S100A2: variants seen among roughly 807,000 people sequenced by gnomAD.
The protein encoded by S100A2 is S100 calcium binding protein A2.
S100A2 carries 5 observed loss-of-function variants against 4.3 expected under a neutral mutation model. The ratio of observed to expected loss-of-function variants is 1.16; its 90% CI spans 0.61 to 2.44. The LOEUF (loss-of-function observed/expected upper bound fraction) is 2.44, where lower values mean the gene tolerates loss of function less well. Ranked by LOEUF, S100A2 falls within the 30% of genes most tolerant of loss-of-function variation. The pLI, the probability that S100A2 is intolerant of heterozygous loss-of-function variation, is 0.01. For synonymous variants in S100A2, 44 were observed against 46.0 expected (o/e 0.96, Z 0.17); for missense variants, 103 against 114.7 (o/e 0.90, Z 0.47).
At chr1:153,564,150 CCT>C in intron 1 of S100A2, 1 of 389,656 alleles carries the variant, frequency 2.6e-6, no homozygotes, top group Non-Finnish European at 4.6e-6. Flanking sequence ...GGGACACCCC[CCT>C]GAGGGCAGGG....
chr1:153,562,710 G>A (rs1350405056), intron 2 of S100A2, among the ~76,000 whole-genome samples: 3 of 152,112 alleles, frequency 2.0e-5, no homozygotes, highest in African/African-American at 4.8e-5. Context: ...ATGGAAAGAG[G>A]TCAAGCACAG....
Position 153,563,747 on chromosome 1 carries a change from G to A in S100A2, c.131C>T (p.Pro44Leu). The A allele has an allele frequency of 1.2e-6, 2 of 1,613,884 alleles. No individual in the cohort carries two copies. Among genetic ancestry groups the A allele is most frequent in the Non-Finnish European group, 1.7e-6 (2 of 1,179,864 alleles). ...TGTGCCACTCACCCCCACAAAGCTG[G>A]GCAGCTCCTTGTGCAGAAGTTCCTT... Reference protein sequence around the residue: ...EMKELLHKELPSFVGEKVDEE... With the variant: ...EMKELLHKELLSFVGEKVDEE... The change falls in exon 2 of 3, where the codon CCC (proline) becomes CTC (leucine). Residue 44 changes from proline to leucine, a missense_variant. Coordinates refer to ENST00000368708, the MANE Select transcript of S100A2 (RefSeq NM_005978.4).
At position 153,561,279 on chromosome 1, in the gene S100A2, C is replaced by T; in HGVS notation, c.*160G>A. Reference sequence around the variant, plus strand: ...AGAAGGGAGCAGGATCCAGGAGGCCCTCATCTCCCAGCACTCCAGCTGAGC... The same window carrying T: ...AGAAGGGAGCAGGATCCAGGAGGCCTTCATCTCCCAGCACTCCAGCTGAGC... On this transcript the variant is annotated 3_prime_UTR_variant, in exon 3 of 3. Transcript: ENST00000368708. The T allele has an allele frequency of 1.2e-6, 1 of 809,070 alleles. No homozygotes were observed. The highest frequency in any genetic ancestry group is 2.7e-5 in the Admixed American group (1 of 37,720). The allele number at this position is 809,070 out of a possible 1,614,324, so 50.1% of individuals were successfully genotyped here.
chr1:153,563,684 G>C (rs750864165), intron 2 of S100A2, 50 bp downstream of exon 2: 1 of 1,593,792 alleles, frequency 6.3e-7, no homozygotes, highest in East Asian at 2.2e-5. Flanking sequence ...GATTTAACCT[G>C]CACCCCCACA....
At position 153,564,854 on chromosome 1, in the gene S100A2, C is replaced by CAA. The variant is rs56666936; in HGVS notation, c.-11+650_-11+651dup. 4.1e-3 allele frequency among the ~76,000 whole-genome samples: 222 copies of CAA among 54,798 alleles called. 26 individuals carry two copies. Among genetic ancestry groups the CAA allele is most frequent in the Admixed American group, 0.029 (97 of 3,394 alleles). 35.9% of individuals were successfully genotyped at this position (54,798 alleles called of 152,430 possible). On this transcript the variant is annotated intron_variant, in intron 1 of 2. Coordinates refer to ENST00000368708, the MANE Select transcript of S100A2 (RefSeq NM_005978.4). Reference sequence around the variant, plus strand: ...AGTCCTGCTAGAATCCAGGACTTTGCAAAAAAAAAAAAAAATCTCAGGATT... The same window carrying CAA: ...AGTCCTGCTAGAATCCAGGACTTTGCAAAAAAAAAAAAAAAAATCTCAGGATT...
intron 1 of S100A2, among the ~76,000 whole-genome samples, 193 bp downstream of exon 1, chr1:153,565,311 CAA>C (rs57778287): frequency 9.4e-4 from 44 of 46,732 alleles, no homozygotes; most frequent in Non-Finnish European, 1.2e-3. Context: ...GACTCCATCT[CAA>C]AAAAAAAAAA....
At chr1:153,562,440 C>A (rs1053278475) in intron 2 of S100A2, among the ~76,000 whole-genome samples, 1 of 152,150 alleles carries the variant, frequency 6.6e-6, no homozygotes, top group Non-Finnish European at 1.5e-5. Context: ...CTGCACCCAG[C>A]TGAAAAACAC....
rs764903448 is a variant in S100A2 at position 153,563,872 on chromosome 1, C to T, written c.6G>A (p.Met2Ile). 2 of 1,613,924 alleles carry T rather than the reference C, an allele frequency of 1.2e-6. No individual in the cohort carries two copies. Among genetic ancestry groups the T allele is most frequent in the African/African-American group, 1.3e-5 (1 of 75,042 alleles). Reference sequence around the variant, plus strand: ...CCAGCGCCTGCTCCAGAGAACTGCACATCATGGATCTGTGGCTGCAGAGGT... The same window carrying T: ...CCAGCGCCTGCTCCAGAGAACTGCATATCATGGATCTGTGGCTGCAGAGGT... M[M>I]CSSLEQALAV... The change falls in exon 2 of 3, where the codon ATG (methionine) becomes ATA (isoleucine). Residue 2 changes from methionine (M) to isoleucine (I), a missense_variant. Transcript: ENST00000368708.
intron 2 of S100A2, 73 bp from the exon 3 acceptor site, chr1:153,561,664 A>C: frequency 3.7e-6 from 6 of 1,607,520 alleles, no homozygotes; most frequent in Non-Finnish European, 5.1e-6. Context: ...CCAGACCCTC[A>C]CACATTCAGG....
At chr1:153,564,772 T>C (rs1000464467) in intron 1 of S100A2, among the ~76,000 whole-genome samples, 2 of 135,558 alleles carry the variant, frequency 1.5e-5, no homozygotes, top group African/African-American at 5.6e-5. Flanking sequence ...GGGCAGAGCT[T>C]TGCTGCTTGG....
intron 2 of S100A2, among the ~76,000 whole-genome samples, chr1:153,562,153 G>C (rs1338588494): frequency 1.3e-5 from 2 of 152,030 alleles, no homozygotes; most frequent in Non-Finnish European, 2.9e-5. Context: ...TAGAGACAAG[G>C]CCTCGCTATG....
At chr1:153,563,321 G>A (rs1471171216) in intron 2 of S100A2, 10 of 1,315,200 alleles carry the variant, frequency 7.6e-6, no homozygotes, top group South Asian at 4.1e-5. Flanking sequence ...GCAGTGAGCC[G>A]AGATCGTGCC....
At position 153,563,731 on chromosome 1, in the gene S100A2, C is replaced by T; in HGVS notation, c.144+3G>A. On this transcript the variant is annotated splice_donor_region_variant and intron_variant, in intron 2 of 2. Transcript: ENST00000368708. ...ACCTCCCCCACAGGCCTGTGCCACTCACCCCCACAAAGCTGGGCAGCTCCT... is the reference window on the plus strand; with the variant it reads ...ACCTCCCCCACAGGCCTGTGCCACTTACCCCCACAAAGCTGGGCAGCTCCT... 2 of 1,612,464 alleles carry T rather than the reference C, an allele frequency of 1.2e-6. No homozygotes were observed. Among genetic ancestry groups the T allele is most frequent in the Non-Finnish European group, 1.7e-6 (2 of 1,179,084 alleles).
Position 153,563,811 on chromosome 1 carries a change from G to A in S100A2, c.67C>T (p.Gln23Ter), listed in dbSNP as rs532172691. The part of the protein sequence containing the change: ...LVTTFHKYSC[Q>*]EGDKFKLSKG... ...CTCAGCTTGAACTTGTCGCCCTCTT[G>A]GCAGGAGTACTTGTGGAAGGTAGTG... is the stretch of plus-strand genomic sequence containing the variant. The change falls in exon 2 of 3, where the codon CAA becomes TAA. Residue 23 changes from glutamine to a stop codon, truncating the protein, a stop_gained. Coordinates refer to ENST00000368708, the MANE Select transcript of S100A2 (RefSeq NM_005978.4). LOFTEE classifies it high-confidence loss of function. The A allele has an allele frequency of 1.2e-4, 192 of 1,614,160 alleles. No homozygotes were observed. The Middle Eastern group carries it at 1.5e-3, about 12-fold the overall frequency.
At position 153,563,964 on chromosome 1, in the gene S100A2, C is replaced by T. The variant is rs148653654; in HGVS notation, c.-10-77G>A. ...CTCAGCCTGTAGGATCCACTTCTGC[C>T]CTATGCCCCCAAGCCACCTCACAAA... On this transcript the variant is annotated intron_variant, in intron 1 of 2. Coordinates refer to ENST00000368708, the MANE Select transcript of S100A2 (RefSeq NM_005978.4). The T allele has an allele frequency of 4.6e-4, 671 of 1,457,252 alleles. 4 individuals are homozygous for T. The African/African-American group carries it at 8.4e-3, about 18-fold the overall frequency. The allele number at this position is 1,457,252 out of a possible 1,614,324, so 90.3% of individuals were successfully genotyped here. A position where few individuals can be genotyped will look rare whatever the true frequency, so the allele number is the denominator to read the frequency against.
chr1:153,563,658 C>T (rs1300373307), intron 2 of S100A2, 76 bp downstream of exon 2: 19 of 1,587,714 alleles, frequency 1.2e-5, no homozygotes, highest in Non-Finnish European at 1.6e-5. Flanking sequence ...CGACAGGCAC[C>T]CGGAACTGGG....
chr1:153,563,621 G>A, intron 2 of S100A2, 113 bp downstream of exon 2: 4 of 1,568,700 alleles, frequency 2.5e-6, no homozygotes, highest in Admixed American at 1.9e-5. Context: ...GTGGGGAGGG[G>A]GCTGGGCCCC....
Position 153,561,342 on chromosome 1 carries a change from T to C in S100A2, c.*97A>G. On this transcript the variant is annotated 3_prime_UTR_variant, in exon 3 of 3. Transcript: ENST00000368708. ...GGAACATCACTGAGCAATTAAAATA[T>C]TATCAACAGACAAAAAAAGTTTATT... The C allele has an allele frequency of 6.9e-7, 1 of 1,440,812 alleles. No homozygotes were observed. 89.3% of individuals were successfully genotyped at this position (1,440,812 alleles called of 1,614,324 possible).
Position 153,561,231 on chromosome 1 carries a change from G to T in S100A2, c.*208C>A. Reference sequence around the variant, plus strand: ...TAAAGCATAGCTCTGGCCTTGGAGAGATTTCCAGGAGAGTCAGAGCCCAGA... The same window carrying T: ...TAAAGCATAGCTCTGGCCTTGGAGATATTTCCAGGAGAGTCAGAGCCCAGA... On this transcript the variant is annotated 3_prime_UTR_variant, in exon 3 of 3. Transcript: ENST00000368708. The T allele has an allele frequency of 3.8e-6, 2 of 522,036 alleles. No individual in the cohort carries two copies. The highest frequency in any genetic ancestry group is 6.5e-6 in the Non-Finnish European group (2 of 305,594). The allele number at this position is 522,036 out of a possible 1,614,324, so 32.3% of individuals were successfully genotyped here. A position where few individuals can be genotyped will look rare whatever the true frequency, so the allele number is the denominator to read the frequency against.
Sources: gnomAD v4.1 joint callset for allele counts (sites outside exome capture counted in the v4.1 genomes callset) on GRCh38, gnomAD v4.1.1 for gene constraint, MANE v1.5 for transcripts, NCBI Gene and HGNC (gene_info 2026-07-23, HGNC 2026-07-21) for gene names.